PTPRN2: variants seen among roughly 807,000 people sequenced by gnomAD.
PTPRN2 encodes the protein protein tyrosine phosphatase receptor type N2, also known as receptor-type tyrosine-protein phosphatase N2.
In PTPRN2, 74 loss-of-function variants were observed where a neutral mutation model predicts 118.8. The ratio of observed to expected loss-of-function variants is 0.62; its 90% confidence interval spans 0.52 to 0.76. PTPRN2 has a LOEUF of 0.76. Among genes scored for constraint, PTPRN2 ranks in the 30% least tolerant of loss-of-function variants. The probability of loss-of-function intolerance (pLI) is 0.00; values close to 1 mark genes in which losing one functional copy is unlikely to be tolerated. For missense variants in PTPRN2, 1,481 were observed against 1,394.4 expected (o/e 1.06, Z -0.99); for synonymous variants, 641 against 608.0 (o/e 1.05, Z -0.80).
intron 12 of PTPRN2, among the ~76,000 whole-genome samples, chr7:157,815,391 AG>A (rs145665619): frequency 0.011 from 1,737 of 152,336 alleles, 34 homozygotes; most frequent in African/African-American, 0.038. Context: ...TGTGGTCAAA[AG>A]GCAGGACTGG....
intron 12 of PTPRN2, chr7:157,738,998 T>A (rs1456448062): frequency 6.6e-6 from 1 of 152,212 alleles, no homozygotes; most frequent in Non-Finnish European, 1.5e-5. Flanking sequence ...GGGGTTTTCT[T>A]CATAGGCTCC....
At chr7:158,136,589 C>T in intron 8 of PTPRN2, 66 bp downstream of exon 8, 2 of 1,513,342 alleles carry the variant, frequency 1.3e-6, no homozygotes, top group Non-Finnish European at 1.8e-6. Context: ...TGTTCCCACA[C>T]CATGAACAAA....
chr7:157,570,152 C>CG (rs1563221679), intron 20 of PTPRN2, among the ~76,000 whole-genome samples: 3 of 152,266 alleles, frequency 2.0e-5, no homozygotes, highest in Admixed American at 6.5e-5. Flanking sequence ...GAGAGGCGGT[C>CG]GGCCTGGGCC....
At position 158,003,540 on chromosome 7, in the gene PTPRN2, C is replaced by A. The variant is rs1435391657; in HGVS notation, c.1723+77758G>T. Among the ~76,000 whole-genome samples the A allele has an allele frequency of 6.6e-6, 1 of 152,118 alleles. No individual in the cohort carries two copies. The highest frequency in any genetic ancestry group is 6.5e-5 in the Admixed American group (1 of 15,280). On this transcript the variant is annotated intron_variant, in intron 11 of 22. Transcript: ENST00000389418. This position sits in a 1 kb window ranked among gnomAD's most constrained non-coding sequence, Gnocchi z 5.0. Reference sequence around the variant, plus strand: ...GAAGGACAGCCCCTGAGGACGTGGCCACGACGCAGCCACCGTGAGCCAGGG... The same window carrying A: ...GAAGGACAGCCCCTGAGGACGTGGCAACGACGCAGCCACCGTGAGCCAGGG...
In PTPRN2 at chr7:157,729,080, A is replaced by G. The variant is rs962636769; in HGVS notation, c.1789-46143T>C. On this transcript the variant is annotated intron_variant, in intron 12 of 22. Coordinates refer to ENST00000389418, the MANE Select transcript of PTPRN2 (RefSeq NM_002847.5). The surrounding 1 kb of genome is among the most constrained non-coding windows in gnomAD (Gnocchi z 4.3). ...CTGGGCTGATACCGGGCCTTTGAAA[A>G]TAGTCGGGGAGGAAAACAGAAAAGA... Among the ~76,000 whole-genome samples, 8 of 152,106 alleles carry G rather than the reference A, an allele frequency of 5.3e-5. No individual in the cohort carries two copies. The highest frequency in any genetic ancestry group is 1.7e-4 in the African/African-American group (7 of 41,422).
In PTPRN2 at chr7:157,861,036, C is replaced by A. The variant is rs539490751; in HGVS notation, c.1788+37637G>T. Among the ~76,000 whole-genome samples, 2 of 152,290 alleles carry A rather than the reference C, an allele frequency of 1.3e-5. No homozygotes were observed. The highest frequency in any genetic ancestry group is 4.1e-4 in the South Asian group (2 of 4,832). On this transcript the variant is annotated intron_variant, in intron 12 of 22. Coordinates refer to ENST00000389418, the MANE Select transcript of PTPRN2 (RefSeq NM_002847.5). The surrounding 1 kb of genome is among the most constrained non-coding windows in gnomAD (Gnocchi z 5.8). ...CAGGGAGCTGTGGAGAGGTGGGGGG[C>A]AGGGTGACCTTCTCTTTCTTGTGGG...
At chr7:157,943,348 C>T (rs773729363) in intron 11 of PTPRN2, among the ~76,000 whole-genome samples, 11 of 152,138 alleles carry the variant, frequency 7.2e-5, no homozygotes, top group African/African-American at 1.7e-4. Flanking sequence ...ATGCCCCAGA[C>T]GGTCCTTTCT....
At chr7:158,294,680 G>A (rs1202521093) in intron 3 of PTPRN2, among the ~76,000 whole-genome samples, 1 of 152,170 alleles carries the variant, frequency 6.6e-6, no homozygotes, top group African/African-American at 2.4e-5. Context: ...GGGGGAGAGT[G>A]AGAGGCAGGA....
chr7:158,400,844 G>A (rs1006356782), intron 2 of PTPRN2, among the ~76,000 whole-genome samples: 2 of 152,050 alleles, frequency 1.3e-5, no homozygotes, highest in African/African-American at 2.4e-5. Flanking sequence ...CTCAGGACAC[G>A]TCCTGCCTGC....
intron 2 of PTPRN2, among the ~76,000 whole-genome samples, chr7:158,344,347 C>G (rs982462901): frequency 6.6e-6 from 1 of 152,142 alleles, no homozygotes; most frequent in South Asian, 2.1e-4. Context: ...TCAGGAGCTC[C>G]GTCCAGTGGG....
intron 12 of PTPRN2, among the ~76,000 whole-genome samples, chr7:157,877,218 GGTT>G (rs1347617363): frequency 6.7e-6 from 1 of 149,428 alleles, no homozygotes; most frequent in Non-Finnish European, 1.5e-5. Flanking sequence ...GCAGCACCAG[GGTT>G]TTCTCGGGGA....
intron 2 of PTPRN2, among the ~76,000 whole-genome samples, chr7:158,400,692 C>A (rs980365343): frequency 6.6e-6 from 1 of 152,164 alleles, no homozygotes; most frequent in Non-Finnish European, 1.5e-5. Context: ...TGAGACCAGC[C>A]TCAGCACAGG....
intron 10 of PTPRN2, among the ~76,000 whole-genome samples, chr7:158,108,596 G>T (rs1815891292): frequency 6.6e-6 from 1 of 152,160 alleles, no homozygotes; most frequent in Non-Finnish European, 1.5e-5. Flanking sequence ...TGTACCCTAG[G>T]AACGGTGTGG....
At chr7:158,487,576 G>A (rs1563349055) in intron 2 of PTPRN2, among the ~76,000 whole-genome samples, 2 of 152,132 alleles carry the variant, frequency 1.3e-5, no homozygotes, top group African/African-American at 4.8e-5. Flanking sequence ...ATTCCTACAC[G>A]TACCTTAAGA....
chr7:158,521,989 G>A (rs75471808), intron 1 of PTPRN2, among the ~76,000 whole-genome samples: 654 of 24,970 alleles, frequency 0.026, 2 homozygotes, highest in East Asian at 0.042. Context: ...CTGTCCGGGT[G>A]CTGGCTCGGG....
intron 2 of PTPRN2, among the ~76,000 whole-genome samples, chr7:158,362,299 A>G (rs1233447792): frequency 6.6e-6 from 1 of 152,242 alleles, no homozygotes; most frequent in Non-Finnish European, 1.5e-5. Context: ...TGGCAAGAGG[A>G]TGAAGGGACA....
chr7:157,793,213 G>T (rs977553278), intron 12 of PTPRN2, among the ~76,000 whole-genome samples: 4 of 152,102 alleles, frequency 2.6e-5, no homozygotes, highest in Admixed American at 6.6e-5. Flanking sequence ...TGTTCCCTCT[G>T]CAGAGCAAAC....
chr7:157,817,219 G>C (rs1806466862), intron 12 of PTPRN2, among the ~76,000 whole-genome samples: 1 of 152,260 alleles, frequency 6.6e-6, no homozygotes. Flanking sequence ...TCTTAGGAGA[G>C]GGTTTTGCAC....
Position 157,591,759 on chromosome 7 carries a change from T to C in PTPRN2, c.2496+3479A>G, listed in dbSNP as rs145356119. ...GAGGCCTCCCAGGCAAATGTGACTG[T>C]GCTAGGAAGCAACTCTCCTCCATCC... On this transcript the variant is annotated intron_variant, in intron 17 of 22. Transcript: ENST00000389418. The surrounding 1 kb of genome is among the most constrained non-coding windows in gnomAD (Gnocchi z 4.4). 2.7e-3 allele frequency among the ~76,000 whole-genome samples: 404 copies of C among 152,336 alleles called. 3 individuals are homozygous for C. The highest frequency in any genetic ancestry group is 9.2e-3 in the African/African-American group (384 of 41,574).
Sources: gnomAD v4.1 joint callset for allele counts (sites outside exome capture counted in the v4.1 genomes callset) on GRCh38, gnomAD v4.1.1 for gene constraint, Gnocchi (gnomAD v3.1) non-coding constraint, MANE v1.5 for transcripts, NCBI Gene and HGNC (gene_info 2026-07-23, HGNC 2026-07-21) for gene names.